The following SPG11 variants were observed in gnomAD, a reference collection of about 807,000 sequenced individuals.
SPG11 encodes the protein spatacsin.
A neutral mutation model predicts 274.0 loss-of-function variants in SPG11; 222 were observed. That is an observed-to-expected ratio of 0.81 (90% CI 0.73 to 0.91). The LOEUF (loss-of-function observed/expected upper bound fraction) is 0.91. Ranked by LOEUF, SPG11 falls within the 40% of genes least tolerant of loss-of-function variation. The probability of loss-of-function intolerance (pLI) is 0.00; values close to 1 mark genes in which losing one functional copy is unlikely to be tolerated. For synonymous variants in SPG11, 1,144 were observed against 1,039.7 expected, an observed-to-expected ratio of 1.10 and a Z score of -1.93; for missense variants, 3,114 against 2,872.7, an observed-to-expected ratio of 1.08 and a Z score of -1.92.
Position 44,576,843 on chromosome 15 carries a change from G to A in SPG11, c.5867-1802C>T, listed in dbSNP as rs1202839605. ...GTAGTGTTGAATTGGCTTTTTTTGT[G>A]TGTGATGAAGTCTCACTCTGTCGCC... On this transcript the variant is annotated intron_variant, in intron 30 of 39. Coordinates refer to ENST00000261866, the MANE Select transcript of SPG11 (RefSeq NM_025137.4). 2.0e-5 allele frequency among the ~76,000 whole-genome samples: 3 copies of A among 151,782 alleles called. No individual in the cohort carries two copies. In the East Asian group the frequency reaches 5.9e-4, roughly 30 times the overall value.
In SPG11 at chr15:44,633,573, A is replaced by C. The variant is rs375399685; in HGVS notation, c.1667T>G (p.Phe556Cys). The change falls in exon 8 of 40, where the codon TTT becomes TGT. Residue 556 changes from phenylalanine (F) to cysteine (C), a missense_variant. Coordinates refer to ENST00000261866, the MANE Select transcript of SPG11 (RefSeq NM_025137.4). ...NFFLKSKENL[F>C]NPSSKSSVSD... ...TACAGAAGATTTTGAGGATGGATTA[A>C]AAAGATTTTCCTTGCTCTTCAAAAA... is the stretch of plus-strand genomic sequence containing the variant. 1 of 1,613,222 alleles carries C rather than the reference A, an allele frequency of 6.2e-7. No individual in the cohort carries two copies. Among genetic ancestry groups the C allele is most frequent in the African/African-American group, 1.3e-5 (1 of 74,896 alleles).
intron 28 of SPG11, among the ~76,000 whole-genome samples, chr15:44,587,551 G>C (rs756424474): frequency 1.3e-5 from 2 of 151,974 alleles, no homozygotes; most frequent in African/African-American, 4.8e-5. Flanking sequence ...TTAGCCAGGT[G>C]TGGTGGTGTG....
Position 44,566,204 on chromosome 15 carries a change from G to C in SPG11, c.6843+13C>G. ...AAGTCCCAAGGCCAGTCTGAAAAAA[G>C]CCTTTGGGTTACCTTGGCATAACTC... On this transcript the variant is annotated intron_variant, in intron 37 of 39. Transcript: ENST00000261866. The C allele has an allele frequency of 6.2e-7, 1 of 1,613,934 alleles. No individual in the cohort carries two copies. Among genetic ancestry groups the C allele is most frequent in the Non-Finnish European group, 8.5e-7 (1 of 1,179,812 alleles).
intron 8 of SPG11, among the ~76,000 whole-genome samples, chr15:44,631,711 C>A (rs2084066889): frequency 6.7e-6 from 1 of 149,386 alleles, no homozygotes; most frequent in African/African-American, 2.5e-5. Flanking sequence ...CACTATGTTG[C>A]CCAGGCTGGT....
intron 21 of SPG11, chr15:44,600,137 G>C: frequency 4.8e-6 from 1 of 206,952 alleles, no homozygotes; most frequent in East Asian, 1.1e-4. Flanking sequence ...CAAAAACTTA[G>C]GACACACAGG....
At position 44,570,564 on chromosome 15, in the gene SPG11, T is replaced by A. The variant is rs2082401632; in HGVS notation, c.6438A>T (p.Thr2146=). ...CCTCACTGGGGGCCAGGTGGTTATC[T>A]GTGAGCATGTGGGCGGCCTGTAGGA... ...IRVLQAAHML[T]DNHLAPSEEY... Residue 2146 remains threonine, a synonymous_variant, in exon 34 of 40, where the codon ACA becomes ACT. Coordinates refer to ENST00000261866, the MANE Select transcript of SPG11 (RefSeq NM_025137.4). The A allele has an allele frequency of 6.2e-7, 1 of 1,614,064 alleles. No individual in the cohort carries two copies. Among genetic ancestry groups the A allele is most frequent in the Admixed American group, 1.7e-5 (1 of 60,006 alleles).
chr15:44,592,009 G>A (rs890584502), intron 27 of SPG11, among the ~76,000 whole-genome samples: 8 of 151,818 alleles, frequency 5.3e-5, no homozygotes, highest in African/African-American at 1.9e-4. Context: ...TACTCTGGAG[G>A]CTGAGGCAGG....
Position 44,574,929 on chromosome 15 carries a change from C to T in SPG11, c.5979G>A (p.Gln1993=). 3 of 1,614,098 alleles carry T rather than the reference C, an allele frequency of 1.9e-6. No individual in the cohort carries two copies. Among genetic ancestry groups the T allele is most frequent in the Non-Finnish European group, 2.5e-6 (3 of 1,180,028 alleles). The change falls in exon 31 of 40, where the codon CAG becomes CAA. Residue 1993 remains glutamine, a synonymous_variant. Coordinates refer to ENST00000261866, the MANE Select transcript of SPG11 (RefSeq NM_025137.4). ...TGGCAAGATCATACAGACAGAGGAC[C>T]TGTCGACAGTAGTTCTTCCCATGGA... ...KCLHGKNYCR[Q]VLCLYDLAKE...
intron 16 of SPG11, among the ~76,000 whole-genome samples, chr15:44,614,622 A>T (rs2083545430): frequency 6.6e-6 from 1 of 152,222 alleles, no homozygotes; most frequent in Non-Finnish European, 1.5e-5. Flanking sequence ...GAATTAAATC[A>T]GCTCTTCCAC....
intron 39 of SPG11, among the ~76,000 whole-genome samples, chr15:44,563,740 T>C (rs1357496869): frequency 6.6e-6 from 1 of 151,838 alleles, no homozygotes; most frequent in Admixed American, 6.6e-5. Flanking sequence ...GCTGCTTCTC[T>C]TGCAGCCTCC....
At chr15:44,657,715 T>C (rs1463984712) in intron 3 of SPG11, among the ~76,000 whole-genome samples, 1 of 152,246 alleles carries the variant, frequency 6.6e-6, no homozygotes, top group Non-Finnish European at 1.5e-5. Context: ...TTAGAGCACA[T>C]CTTAATTTGC....
intron 2 of SPG11, 147 bp downstream of exon 2, chr15:44,660,285 C>T: frequency 1.5e-6 from 1 of 652,080 alleles, no homozygotes; most frequent in Non-Finnish European, 2.7e-6. Flanking sequence ...AACCATATTT[C>T]AAGTGCTCAA....
At chr15:44,661,374 AAC>A (rs2085100649) in intron 1 of SPG11, among the ~76,000 whole-genome samples, 1 of 152,228 alleles carries the variant, frequency 6.6e-6, no homozygotes, top group Non-Finnish European at 1.5e-5. Flanking sequence ...ATTTGAAAAT[AAC>A]ACAATGAAAG....
rs1314904242 is a variant in SPG11, at chr15:44,633,521, G to A, written c.1719C>T (p.Ser573=). ...TCCACTTACTTCTTAAATATAAATG[G>A]GATGACAAGTGATCAAACTGATCAG... The part of the protein sequence containing the change: ...SVSDQFDHLS[S]HLYLRNVEEL... Residue 573 remains serine, a synonymous_variant, in exon 8 of 40, where the codon TCC becomes TCT. Coordinates refer to ENST00000261866, the MANE Select transcript of SPG11 (RefSeq NM_025137.4). 1.9e-6 allele frequency: 3 copies of A among 1,597,988 alleles called. No homozygotes were observed. The highest frequency in any genetic ancestry group is 2.6e-6 in the Non-Finnish European group (3 of 1,168,154).
intron 30 of SPG11, among the ~76,000 whole-genome samples, chr15:44,578,720 C>T (rs1327394036): frequency 6.6e-6 from 1 of 152,212 alleles, no homozygotes; most frequent in Non-Finnish European, 1.5e-5. Flanking sequence ...AATGTTAAAA[C>T]CACAATGCAC....
rs770761140 is a variant in SPG11, at chr15:44,598,267, CT to C, written c.3998del (p.Lys1333ArgfsTer13). On this transcript the variant is annotated frameshift_variant, in exon 23 of 40. Coordinates refer to ENST00000261866, the MANE Select transcript of SPG11 (RefSeq NM_025137.4). LOFTEE classifies it high-confidence loss of function. ...TWNSIQQQEI[K>X]RLSSESSSQW... ...GGCTGAGACTGCAACTCACAAACCT[CT>C]TTATTTCCTGTTGCTGAATGCTGTT... 4 of 1,611,848 alleles carry C rather than the reference CT, an allele frequency of 2.5e-6. No homozygotes were observed. The Admixed American group carries it at 6.7e-5, about 27-fold the overall frequency.
In SPG11 at chr15:44,592,502, G is replaced by C. The variant is rs188299763; in HGVS notation, c.4636-64C>G. The C allele has an allele frequency of 5.4e-4, 500 of 934,366 alleles. 2 individuals are homozygous for C. The highest frequency in any genetic ancestry group is 7.6e-4 in the Non-Finnish European group (434 of 567,582). 57.9% of individuals were successfully genotyped at this position (934,366 alleles called of 1,614,324 possible). The stretch of plus-strand genomic sequence containing the variant: ...ACTTAATATTTTTTCAATGAATAAT[G>C]CCAAATAAGAGAATGTTAAAAATGC... On this transcript the variant is annotated intron_variant, in intron 26 of 39. Coordinates refer to ENST00000261866, the MANE Select transcript of SPG11 (RefSeq NM_025137.4).
At chr15:44,622,103 T>C (rs551732313) in intron 13 of SPG11, 117 bp downstream of exon 13, 3 of 1,289,938 alleles carry the variant, frequency 2.3e-6, no homozygotes, top group African/African-American at 1.5e-5. Flanking sequence ...ACAAGTTTTA[T>C]CTCCAAGGAG....
intron 7 of SPG11, among the ~76,000 whole-genome samples, chr15:44,648,382 G>A (rs1025669506): frequency 2.6e-5 from 4 of 151,970 alleles, no homozygotes; most frequent in Admixed American, 6.6e-5. Context: ...ACATGGTGGC[G>A]CGTGCCTGTA....
Sources: allele counts gnomAD v4.1 joint callset (sites outside exome capture counted in the v4.1 genomes callset), GRCh38; gene constraint gnomAD v4.1.1; transcripts MANE v1.5; gene names NCBI Gene and HGNC (gene_info 2026-07-23, HGNC 2026-07-21).